LMNTD2: variants seen among roughly 807,000 people sequenced by gnomAD.
The protein encoded by LMNTD2 is lamin tail domain containing 2.
Under a neutral mutation model 70.1 loss-of-function variants are expected in LMNTD2, and 83 were observed. That is an observed-to-expected ratio of 1.18 (90% CI 0.99 to 1.42). The LOEUF is 1.42. Among genes scored for constraint, LMNTD2 ranks in the 40% most tolerant of loss-of-function variants. The probability of loss-of-function intolerance (pLI) is 0.00; values close to 1 mark genes in which losing one functional copy is unlikely to be tolerated. For missense variants in LMNTD2, 1,153 were observed against 905.9 expected (o/e 1.27, Z -3.50); for synonymous variants, 534 against 406.1 (o/e 1.31, Z -3.79).
rs1332806690 is a variant in LMNTD2 at position 557,919 on chromosome 11, C to A, written c.520G>T (p.Gly174Cys). The change falls in exon 5 of 14, where the codon GGC becomes TGC. Residue 174 changes from glycine to cysteine, a missense_variant. By Grantham distance (159) the Gly-to-Cys change is radical. Transcript: ENST00000329451. ...CCAGTCTGGGATCGTAGCATGCGGC[C>A]CACCCACGAGGAGCGGGCCAGCTGC... The part of the protein sequence containing the change: ...LLQLARSSWV[G>C]RMLRSQTGSV... 2 of 1,585,472 alleles carry A rather than the reference C, an allele frequency of 1.3e-6. No homozygotes were observed. The highest frequency in any genetic ancestry group is 1.7e-6 in the Non-Finnish European group (2 of 1,166,472).
chr11:560,625 C>T (rs1853214458), intron 1 of LMNTD2, 58 bp downstream of exon 1: 6 of 1,332,982 alleles, frequency 4.5e-6, no homozygotes, highest in Non-Finnish European at 5.8e-6. Flanking sequence ...TGGGCGGGAA[C>T]CCGCCACACT....
intron 1 of LMNTD2, chr11:559,197 G>T: frequency 6.8e-7 from 1 of 1,476,754 alleles, no homozygotes; most frequent in Non-Finnish European, 9.0e-7. Context: ...ACACCCGTGT[G>T]TTTCTGACCA....
rs1258660471 is a variant in LMNTD2 at position 558,249 on chromosome 11, C to T, written c.312-1G>A. 3 of 1,613,334 alleles carry T rather than the reference C, an allele frequency of 1.9e-6. No individual in the cohort carries two copies. The highest frequency in any genetic ancestry group is 8.5e-7 in the Non-Finnish European group (1 of 1,179,816). ...GAGTTTCTCCTGACTGTGGGAGCTC[C>T]TGGAGGAGGGGTGACCTCAGCAGCC... On this transcript the variant is annotated splice_acceptor_variant, in intron 3 of 13. Coordinates refer to ENST00000329451, the MANE Select transcript of LMNTD2 (RefSeq NM_173573.3). LOFTEE classifies it high-confidence loss of function.
chr11:558,739 G>T lies in LMNTD2; in HGVS notation c.186C>A (p.Arg62=). 2 of 1,608,768 alleles carry T rather than the reference G, an allele frequency of 1.2e-6. No homozygotes were observed. The highest frequency in any genetic ancestry group is 1.7e-6 in the Non-Finnish European group (2 of 1,178,138). ...GCTGTCTCCACAGCAGCCGCAGTGT[G>T]CGAGGGTCCAGGGACTCAAGAGCCA... ...PQLALESLDP[R]TLRLLWRQRE... The change falls in exon 3 of 14, where the codon CGC becomes CGA. Residue 62 remains arginine (R), a synonymous_variant. Coordinates refer to ENST00000329451, the MANE Select transcript of LMNTD2 (RefSeq NM_173573.3).
intron 6 of LMNTD2, 42 bp from the exon 7 acceptor site, chr11:557,529 G>A: frequency 6.2e-7 from 1 of 1,613,402 alleles, no homozygotes; most frequent in Non-Finnish European, 8.5e-7. Flanking sequence ...CCCTCCCGCA[G>A]GGCTCCAGAT....
At chr11:556,712 G>A (rs769448119) in intron 8 of LMNTD2, 123 bp downstream of exon 8, 59 of 1,420,314 alleles carry the variant, frequency 4.2e-5, no homozygotes, top group East Asian at 1.0e-4. Context: ...GGTCAGATGG[G>A]GCAGGAAAGG....
At position 558,689 on chromosome 11, in the gene LMNTD2, C is replaced by T. The variant is rs62621253; in HGVS notation, c.236G>A (p.Arg79Gln). ...RQRELEIQAL[R>Q]WAIQNGEDAR... ...GTCCTCGCCATTCTGGATGGCCCACCGCAAGGCCTGGATCTCCAGTTCTCG... is the reference window on the plus strand; with the variant it reads ...GTCCTCGCCATTCTGGATGGCCCACTGCAAGGCCTGGATCTCCAGTTCTCG... Residue 79 changes from arginine to glutamine, a missense_variant, in exon 3 of 14, where the codon CGG (arginine) becomes CAG (glutamine). Coordinates refer to ENST00000329451, the MANE Select transcript of LMNTD2 (RefSeq NM_173573.3). 1.2e-4 allele frequency: 187 copies of T among 1,605,156 alleles called. 1 individual carries two copies. The African/African-American group carries it at 1.3e-3, about 11-fold the overall frequency.
intron 7 of LMNTD2, 107 bp from the exon 8 acceptor site, chr11:557,204 A>G: frequency 6.9e-7 from 1 of 1,453,616 alleles, no homozygotes; most frequent in East Asian, 2.5e-5. Flanking sequence ...GCCTCCCAGT[A>G]CCCAGGCTCA....
chr11:556,285 G>A lies in LMNTD2; in HGVS notation c.1164C>T (p.Ser388=), dbSNP rs1852864324. ...GCACCAGCTGCTTCAGCACCATGCC[G>A]CTCAGGTCGGCCGTGCTCTCCTGCG... ...NPSQESTADL[S]GMVLKQLVRG... is the part of the protein sequence containing the mutation. Residue 388 remains serine, a synonymous_variant, in exon 10 of 14, where the codon AGC becomes AGT. Coordinates refer to ENST00000329451, the MANE Select transcript of LMNTD2 (RefSeq NM_173573.3). The A allele has an allele frequency of 2.6e-6, 4 of 1,535,392 alleles. No individual in the cohort carries two copies. Among genetic ancestry groups the A allele is most frequent in the Non-Finnish European group, 3.5e-6 (4 of 1,146,646 alleles).
intron 1 of LMNTD2, chr11:559,578 C>T: frequency 8.4e-7 from 1 of 1,189,166 alleles, no homozygotes; most frequent in Non-Finnish European, 1.1e-6. Flanking sequence ...GAGGGAGGCC[C>T]CAGCATCCCC....
chr11:560,650 G>A, intron 1 of LMNTD2, 33 bp downstream of exon 1: 6 of 1,389,704 alleles, frequency 4.3e-6, no homozygotes, highest in Non-Finnish European at 5.7e-6. Context: ...GGCTGCTGAG[G>A]AAGTCGGCCC....
rs1342539499 is a variant in LMNTD2, at chr11:558,224, G to C, written c.336C>G (p.Leu112=). The C allele has an allele frequency of 6.2e-7, 1 of 1,613,440 alleles. No homozygotes were observed. The highest frequency in any genetic ancestry group is 8.5e-7 in the Non-Finnish European group (1 of 1,179,874). ...TCAGCTTCTGGACCTGGTTCTGCAG[G>C]AGTTTCTCCTGACTGTGGGAGCTCC... The part of the protein sequence containing the change: ...PKRSSHSQEK[L]LQNQVQKLIQ... The change falls in exon 4 of 14, where the codon CTC becomes CTG. Residue 112 remains leucine, a synonymous_variant. Coordinates refer to ENST00000329451, the MANE Select transcript of LMNTD2 (RefSeq NM_173573.3).
intron 1 of LMNTD2, chr11:559,872 ACTTCCGC>A (rs567708193): frequency 3.2e-6 from 2 of 623,700 alleles, no homozygotes; most frequent in African/African-American, 4.0e-5. Context: ...TGATCCTCCC[ACTTCCGC>A]CTCCTGACTT....
At position 557,568 on chromosome 11, in the gene LMNTD2, T is replaced by C; in HGVS notation, c.624+4A>G. 1 of 1,613,398 alleles carries C rather than the reference T, an allele frequency of 6.2e-7. No individual in the cohort carries two copies. ...AGACCACACACGTGGGAGGCCTAGC[T>C]CACCTCCCCGGTGGGGGCCTGAATG... On this transcript the variant is annotated splice_donor_region_variant and intron_variant, in intron 6 of 13. Transcript: ENST00000329451.
rs1410722944 is a variant in LMNTD2 at position 556,040 on chromosome 11, AGAG to A, written c.1330_1332del (p.Leu444del). On this transcript the variant is annotated inframe_deletion, in exon 11 of 14. Coordinates refer to ENST00000329451, the MANE Select transcript of LMNTD2 (RefSeq NM_173573.3). Reference sequence around the variant, plus strand: ...AGCAGCGTCGCGCAGCCGCGGATGGAGAGGAGGGGAACGGGCTCCCGGCTCGAG... The same window carrying A: ...AGCAGCGTCGCGCAGCCGCGGATGGAGAGGGGAACGGGCTCCCGGCTCGAG... 6.4e-7 allele frequency: 1 copy of A among 1,554,856 alleles called. No homozygotes were observed. Among genetic ancestry groups the A allele is most frequent in the Non-Finnish European group, 8.6e-7 (1 of 1,161,168 alleles).
At position 554,950 on chromosome 11, in the gene LMNTD2, C is replaced by G. The variant is rs1852688948; in HGVS notation, c.*30G>C. 6.7e-7 allele frequency: 1 copy of G among 1,481,774 alleles called. No individual in the cohort carries two copies. 91.8% of individuals were successfully genotyped at this position (1,481,774 alleles called of 1,614,324 possible). ...AGCCCCGGCGCCCGCCCGCGCCCTC[C>G]CTCGCGGTCCCGGCCCCACTCCTCC... On this transcript the variant is annotated 3_prime_UTR_variant, in exon 14 of 14. Transcript: ENST00000329451.
intron 1 of LMNTD2, chr11:559,283 T>G: frequency 6.8e-7 from 1 of 1,466,176 alleles, no homozygotes; most frequent in Non-Finnish European, 9.2e-7. Context: ...CCTTTGCCTG[T>G]GATGTGGTGT....
intron 1 of LMNTD2, chr11:559,556 GACCAAC>G: frequency 8.3e-7 from 1 of 1,210,970 alleles, no homozygotes; most frequent in Non-Finnish European, 1.1e-6. Context: ...ACCACTTAGT[GACCAAC>G]ACCCTGAGGG....
At chr11:560,634 C>CT in intron 1 of LMNTD2, 49 bp downstream of exon 1, 1 of 1,355,198 alleles carries the variant, frequency 7.4e-7, no homozygotes, top group Non-Finnish European at 9.6e-7. Flanking sequence ...ACCCGCCACA[C>CT]TAGAAGGCTG....
Sources: allele counts gnomAD v4.1 joint callset, GRCh38; gene constraint gnomAD v4.1.1; transcripts MANE v1.5; gene names NCBI Gene and HGNC (gene_info 2026-07-23, HGNC 2026-07-21).